Variants in SETD5 observed in about 807,000 individuals in gnomAD.
The protein encoded by SETD5 is SET domain containing 5, also known as histone-lysine N-methyltransferase SETD5.
In SETD5, 44 loss-of-function variants were observed where a neutral mutation model predicts 153.3. The observed-to-expected ratio is 0.29, with a 90% CI of 0.23 to 0.37. The LOEUF is 0.37. Among genes scored for constraint, SETD5 ranks in the 10% least tolerant of loss-of-function variants. The probability of loss-of-function intolerance (pLI) is 1.00; values close to 1 mark genes in which losing one functional copy is unlikely to be tolerated. For synonymous variants in SETD5, 716 were observed against 645.2 expected, an observed-to-expected ratio of 1.11 and a Z score of -1.66; for missense variants, 1,544 against 1,768.0, an observed-to-expected ratio of 0.87 and a Z score of 2.27.
intron 3 of SETD5, among the ~76,000 whole-genome samples, chr3:9,432,824 G>A (rs1168561811): frequency 1.3e-5 from 2 of 152,096 alleles, no homozygotes; most frequent in African/African-American, 4.8e-5. Context: ...TACTCACAAA[G>A]GGTACAAAAA....
Position 9,461,926 on chromosome 3 carries a change from C to T in SETD5, c.2477-2499C>T, listed in dbSNP as rs188820193. Among the ~76,000 whole-genome samples the T allele has an allele frequency of 5.3e-5, 8 of 152,134 alleles. 1 individual carries two copies. Among genetic ancestry groups the T allele is most frequent in the African/African-American group, 1.9e-4 (8 of 41,494 alleles). On this transcript the variant is annotated intron_variant, in intron 17 of 22. Transcript: ENST00000402198. ...ATTACATGTTTGTTTCTGTTTTATACCTAGGCACTTTTTAAAAGGAGGAAA... is the reference window on the plus strand; with the variant it reads ...ATTACATGTTTGTTTCTGTTTTATATCTAGGCACTTTTTAAAAGGAGGAAA...
chr3:9,445,405 G>A (rs994029844), intron 12 of SETD5, 105 bp downstream of exon 12: 1 of 1,236,752 alleles, frequency 8.1e-7, no homozygotes, highest in East Asian at 2.5e-5. Context: ...GTAACACTTA[G>A]TGCCCTTTAT....
At chr3:9,449,551 C>G (rs976107132) in intron 16 of SETD5, 2 of 152,134 alleles carry the variant, frequency 1.3e-5, no homozygotes, top group Non-Finnish European at 2.9e-5. Flanking sequence ...CATGAGGATG[C>G]TGCATGTAGA....
Position 9,433,882 on chromosome 3 carries a change from A to G in SETD5, c.109A>G (p.Lys37Glu). 1 of 1,613,920 alleles carries G rather than the reference A, an allele frequency of 6.2e-7. No individual in the cohort carries two copies. The highest frequency in any genetic ancestry group is 1.1e-5 in the South Asian group (1 of 91,088). The change falls in exon 4 of 23, where the codon AAG becomes GAG. Residue 37 changes from lysine (K) to glutamate (E), a missense_variant. By Grantham distance (56) the Lys-to-Glu change is moderately conservative. This residue lies in a region of SETD5 where 251 missense variants were observed against 326.9 expected (regional missense o/e 0.77). Transcript: ENST00000402198. ...SVEASPAVNE[K>E]SVYSTHNYGT... The stretch of plus-strand genomic sequence containing the variant: ...GGAGGCTAGTCCAGCAGTTAATGAG[A>G]AGAGCGTGTATTCCACTCATAATTA...
At chr3:9,413,932 C>CA (rs2037018848) in intron 1 of SETD5, among the ~76,000 whole-genome samples, 1 of 152,002 alleles carries the variant, frequency 6.6e-6, no homozygotes, top group Non-Finnish European at 1.5e-5. Flanking sequence ...CGCGCGCCAC[C>CA]ACGCCCAGCT....
chr3:9,475,617 CT>C lies in SETD5; in HGVS notation c.3856del (p.Ser1286LeufsTer84), dbSNP rs587777329. 1.9e-6 allele frequency: 3 copies of C among 1,613,986 alleles called. No individual in the cohort carries two copies. The highest frequency in any genetic ancestry group is 1.1e-5 in the South Asian group (1 of 91,080). Reference sequence around the variant, plus strand: ...CTGCACTGAGACCTGGAAACCCCCCCTCTCACGGTTCTTCAGAATCATCCCT... The same window carrying C: ...CTGCACTGAGACCTGGAAACCCCCCCCTCACGGTTCTTCAGAATCATCCCT... ...TTALRPGNPP[S>X]HGSSESSLSS... On this transcript the variant is annotated frameshift_variant, in exon 23 of 23. Transcript: ENST00000402198. LOFTEE classifies it high-confidence loss of function.
At chr3:9,442,487 G>A (rs980961720) in intron 10 of SETD5, among the ~76,000 whole-genome samples, 21 of 152,198 alleles carry the variant, frequency 1.4e-4, no homozygotes, top group African/African-American at 4.8e-4. Flanking sequence ...AGGAGAAAAA[G>A]CTAGACTGGA....
chr3:9,462,934 CT>C lies in SETD5; in HGVS notation c.2477-1477del, dbSNP rs969915704. Among the ~76,000 whole-genome samples the C allele has an allele frequency of 6.4e-3, 905 of 142,304 alleles. 1 individual carries two copies. Among genetic ancestry groups the C allele is most frequent in the Middle Eastern group, 0.011 (3 of 276 alleles). 93.4% of individuals were successfully genotyped at this position (142,304 alleles called of 152,430 possible). A position where few individuals can be genotyped will look rare whatever the true frequency, so the allele number is the denominator to read the frequency against. On this transcript the variant is annotated intron_variant, in intron 17 of 22. Coordinates refer to ENST00000402198, the MANE Select transcript of SETD5 (RefSeq NM_001080517.3). ...TATAATCATCATTTAGAAAATACAG[CT>C]TTTTTTTTTTTTTAACTAACACATA...
chr3:9,398,895 A>G (rs2034249704), intron 1 of SETD5, among the ~76,000 whole-genome samples: 1 of 152,166 alleles, frequency 6.6e-6, no homozygotes, highest in African/African-American at 2.4e-5. Context: ...TCTCTTGGAT[A>G]TGGATGCTGC....
At position 9,417,497 on chromosome 3, in the gene SETD5, TC is replaced by T. The variant is rs34355371; in HGVS notation, c.-176-6964del. ...TATAGATAAGTCTTTTTTTTTTTTT[TC>T]CCCCCGAGACGGAGTCTCGCTCTAT... On this transcript the variant is annotated intron_variant, in intron 1 of 22. Coordinates refer to ENST00000402198, the MANE Select transcript of SETD5 (RefSeq NM_001080517.3). 2.5e-3 allele frequency among the ~76,000 whole-genome samples: 350 copies of T among 142,382 alleles called. 6 individuals are homozygous for T. Among genetic ancestry groups the T allele is most frequent in the African/African-American group, 7.8e-3 (264 of 33,752 alleles). 93.4% of individuals were successfully genotyped at this position (142,382 alleles called of 152,430 possible). A position where few individuals can be genotyped will look rare whatever the true frequency, so the allele number is the denominator to read the frequency against.
At position 9,434,598 on chromosome 3, in the gene SETD5, T is replaced by A; in HGVS notation, c.329+113T>A. On this transcript the variant is annotated intron_variant, in intron 5 of 22. Transcript: ENST00000402198. The surrounding 1 kb of genome is among the most constrained non-coding windows in gnomAD (Gnocchi z 5.6). ...TGTGTTTGTTAATGTAGATGATTCC[T>A]TAGTGCTCCTTGGCTCGAATTCTCT... 2 of 1,513,894 alleles carry A rather than the reference T, an allele frequency of 1.3e-6. No individual in the cohort carries two copies. Among genetic ancestry groups the A allele is most frequent in the Non-Finnish European group, 1.8e-6 (2 of 1,130,838 alleles). 93.8% of individuals were successfully genotyped at this position (1,513,894 alleles called of 1,614,324 possible). A position where few individuals can be genotyped will look rare whatever the true frequency, so the allele number is the denominator to read the frequency against.
At chr3:9,453,131 T>C (rs1382348527) in intron 16 of SETD5, among the ~76,000 whole-genome samples, 1 of 152,178 alleles carries the variant, frequency 6.6e-6, no homozygotes, top group Non-Finnish European at 1.5e-5. Context: ...CTACTGAAGC[T>C]CATTTCGTGA....
rs764701477 is a variant in SETD5, at chr3:9,473,412, T to C, written c.3372T>C (p.Ser1124=). The stretch of plus-strand genomic sequence containing the variant: ...AGGGATCCTCAGCCCGAACTCCATC[T>C]TCCCCTCACAAAAAATTCTCCCCAT... ...GVQGSSARTP[S]SPHKKFSPSH... The change falls in exon 20 of 23, where the codon TCT becomes TCC. Residue 1124 remains serine (S), a synonymous_variant. Coordinates refer to ENST00000402198, the MANE Select transcript of SETD5 (RefSeq NM_001080517.3). 1 of 1,613,986 alleles carries C rather than the reference T, an allele frequency of 6.2e-7. No individual in the cohort carries two copies. The highest frequency in any genetic ancestry group is 8.5e-7 in the Non-Finnish European group (1 of 1,179,880).
chr3:9,456,422 G>A (rs551093756), intron 17 of SETD5, among the ~76,000 whole-genome samples: 5 of 149,792 alleles, frequency 3.3e-5, no homozygotes, highest in Admixed American at 1.3e-4. Flanking sequence ...GCAGTGAGAC[G>A]AGATTGCGCC....
chr3:9,403,770 A>G (rs2035213041), intron 1 of SETD5, among the ~76,000 whole-genome samples: 1 of 152,184 alleles, frequency 6.6e-6, no homozygotes, highest in Admixed American at 6.5e-5. Flanking sequence ...GTTGGAAAAG[A>G]TCTGTTGGTT....
At chr3:9,419,348 C>G (rs2038031472) in intron 1 of SETD5, among the ~76,000 whole-genome samples, 3 of 152,026 alleles carry the variant, frequency 2.0e-5, no homozygotes, top group African/African-American at 7.2e-5. Flanking sequence ...AATATAAATC[C>G]CAAGACAGCC....
intron 18 of SETD5, among the ~76,000 whole-genome samples, chr3:9,467,705 G>A (rs773738382): frequency 1.3e-5 from 2 of 151,948 alleles, no homozygotes; most frequent in Non-Finnish European, 2.9e-5. Context: ...CTCTCTTCAC[G>A]TGTTCCCATT....
At chr3:9,442,016 G>C (rs2041351983) in intron 9 of SETD5, 112 bp from the exon 10 acceptor site, 2 of 771,920 alleles carry the variant, frequency 2.6e-6, no homozygotes, top group Non-Finnish European at 4.2e-6. Context: ...CCCAAGTTTA[G>C]GCGTTGCAAA....
At chr3:9,445,870 G>A (rs181037971) in intron 13 of SETD5, 130 bp downstream of exon 13, 114 of 406,342 alleles carry the variant, frequency 2.8e-4, no homozygotes, top group Admixed American at 2.4e-3. Context: ...GGCTTTTTCC[G>A]TAATAAAGAT....
Sources: allele counts gnomAD v4.1 joint callset (sites outside exome capture counted in the v4.1 genomes callset), GRCh38; gene constraint gnomAD v4.1.1; regional missense constraint gnomAD v4.1.1; non-coding constraint Gnocchi (gnomAD v3.1); transcripts MANE v1.5; gene names NCBI Gene and HGNC (gene_info 2026-07-23, HGNC 2026-07-21).